SEPTIN10: variants seen among roughly 807,000 people sequenced by gnomAD.
SEPTIN10 encodes septin-10.
Under a neutral mutation model 54.8 loss-of-function variants are expected in SEPTIN10, and 66 were observed. That is an observed-to-expected ratio of 1.21 (90% CI 0.99 to 1.48). The LOEUF (loss-of-function observed/expected upper bound fraction) is 1.48. Among genes scored for constraint, SEPTIN10 ranks in the 40% most tolerant of loss-of-function variants. SEPTIN10 has a pLI of 0.00. For missense variants in SEPTIN10, 620 were observed against 545.6 expected, an observed-to-expected ratio of 1.14 and a Z score of -1.36; for synonymous variants, 161 against 181.0, an observed-to-expected ratio of 0.89 and a Z score of 0.89.
chr2:109,568,174 G>C (rs1013398666), intron 5 of SEPTIN10, among the ~76,000 whole-genome samples, 198 bp from the exon 6 acceptor site: 1 of 152,010 alleles, frequency 6.6e-6, no homozygotes, highest in African/African-American at 2.4e-5. Context: ...CCATTTGCTT[G>C]TGTACTGTCT....
intron 2 of SEPTIN10, among the ~76,000 whole-genome samples, chr2:109,590,043 T>C (rs7590865): frequency 2.2e-5 from 3 of 134,842 alleles, no homozygotes; most frequent in South Asian, 2.4e-4. Flanking sequence ...TATACACACA[T>C]ATATATGTGT....
chr2:109,564,264 G>C, intron 8 of SEPTIN10, 102 bp downstream of exon 8: 1 of 1,066,782 alleles, frequency 9.4e-7, no homozygotes, highest in Non-Finnish European at 1.3e-6. Context: ...TCATGGTTTT[G>C]GGAGATTCTA....
intron 1 of SEPTIN10, among the ~76,000 whole-genome samples, chr2:109,610,114 G>A (rs966579806): frequency 6.8e-6 from 1 of 147,934 alleles, no homozygotes; most frequent in African/African-American, 2.6e-5. Flanking sequence ...TTTTTAGACA[G>A]AGTCTCACTC....
intron 4 of SEPTIN10, among the ~76,000 whole-genome samples, chr2:109,580,632 A>G (rs535246757): frequency 4.6e-5 from 7 of 152,344 alleles, no homozygotes; most frequent in Non-Finnish European, 7.4e-5. Context: ...CAATGAAAGA[A>G]AGAAAAATAA....
chr2:109,586,078 T>C (rs1458539507), intron 2 of SEPTIN10, among the ~76,000 whole-genome samples: 1 of 152,182 alleles, frequency 6.6e-6, no homozygotes, highest in Non-Finnish European at 1.5e-5. Context: ...ATGTATAACA[T>C]TAAAACATTC....
intron 4 of SEPTIN10, among the ~76,000 whole-genome samples, chr2:109,583,275 T>C (rs1018620310): frequency 2.0e-5 from 3 of 152,064 alleles, no homozygotes; most frequent in Non-Finnish European, 4.4e-5. Flanking sequence ...CATCCAACAA[T>C]AGTCTAGCAG....
rs530691377 is a variant in SEPTIN10 at position 109,613,139 on chromosome 2, C to T, written c.30+659G>A. The T allele has an allele frequency of 2.1e-5, 27 of 1,284,258 alleles. No individual in the cohort carries two copies. The Admixed American group carries it at 5.7e-4, about 27-fold the overall frequency. The allele number at this position is 1,284,258 out of a possible 1,614,324, so 79.6% of individuals were successfully genotyped here. A position where few individuals can be genotyped will look rare whatever the true frequency, so the allele number is the denominator to read the frequency against. On this transcript the variant is annotated intron_variant, in intron 1 of 10. Transcript: ENST00000397712. ...TGTAGCCTTTGGAAAACTCGATGTA[C>T]ACGACCTTGGTACTATTAACGAAAA...
At chr2:109,612,193 A>G (rs1207206131) in intron 1 of SEPTIN10, among the ~76,000 whole-genome samples, 1 of 152,240 alleles carries the variant, frequency 6.6e-6, no homozygotes, top group Non-Finnish European at 1.5e-5. Context: ...GTTGAAAAAA[A>G]AAAAATCCAA....
Position 109,564,430 on chromosome 2 carries a change from A to T in SEPTIN10, c.964T>A (p.Tyr322Asn). 1 of 1,598,958 alleles carries T rather than the reference A, an allele frequency of 6.3e-7. No homozygotes were observed. ...ATTTCCTCCAGTTTGCAGCGCCTGT[A>T]AAGCTCATAGTGCCTGGTATGGGTC... is the stretch of plus-strand genomic sequence containing the variant. ...EQTHTRHYEL[Y>N]RRCKLEEMGF... The change falls in exon 8 of 11, where the codon TAC becomes AAC. Residue 322 changes from tyrosine (Y) to asparagine (N), a missense_variant. Physicochemically the swap from Tyr to Asn is moderately radical, Grantham distance 143. Transcript: ENST00000397712.
intron 1 of SEPTIN10, among the ~76,000 whole-genome samples, chr2:109,608,953 C>A (rs1351967368): frequency 1.3e-5 from 2 of 152,152 alleles, no homozygotes; most frequent in African/African-American, 2.4e-5. Flanking sequence ...AAGCAAGGGT[C>A]CTGTATGTAT....
rs138122825 is a variant in SEPTIN10 at position 109,611,762 on chromosome 2, C to G, written c.30+2036G>C. On this transcript the variant is annotated intron_variant, in intron 1 of 10. Transcript: ENST00000397712. The stretch of plus-strand genomic sequence containing the variant: ...AGCCTGGGTGACAATACGAGAAATC[C>G]AAGTTAAAATCACCATGAGGTGTCA... Among the ~76,000 whole-genome samples the G allele has an allele frequency of 3.9e-5, 6 of 152,158 alleles. No homozygotes were observed. In the South Asian group the frequency reaches 6.2e-4, roughly 16 times the overall value.
intron 2 of SEPTIN10, among the ~76,000 whole-genome samples, chr2:109,588,843 T>C (rs1558841155): frequency 8.9e-6 from 1 of 112,672 alleles, no homozygotes; most frequent in Admixed American, 1.1e-4. Context: ...CCTAGGTCAA[T>C]TACTATTAAA....
chr2:109,612,793 A>G (rs983548000), intron 1 of SEPTIN10, among the ~76,000 whole-genome samples: 1 of 152,246 alleles, frequency 6.6e-6, no homozygotes, highest in Admixed American at 6.5e-5. Flanking sequence ...AAAATACGCG[A>G]TAGAATGAAA....
At chr2:109,583,442 C>T (rs551702994) in intron 4 of SEPTIN10, among the ~76,000 whole-genome samples, 2 of 152,110 alleles carry the variant, frequency 1.3e-5, no homozygotes, top group Non-Finnish European at 2.9e-5. Flanking sequence ...AATGAGATAC[C>T]ATCTCACAAC....
At chr2:109,589,329 T>G (rs565444991) in intron 2 of SEPTIN10, among the ~76,000 whole-genome samples, 2 of 152,034 alleles carry the variant, frequency 1.3e-5, no homozygotes, top group East Asian at 3.9e-4. Flanking sequence ...GGCCAGGAGT[T>G]TGAAACCAAC....
At chr2:109,550,297 C>CA (rs1317740438) in intron 9 of SEPTIN10, among the ~76,000 whole-genome samples, 77 of 148,674 alleles carry the variant, frequency 5.2e-4, no homozygotes, top group African/African-American at 4.9e-4. Flanking sequence ...TCTCAAAAAA[C>CA]AAAAAAAAAG....
intron 9 of SEPTIN10, among the ~76,000 whole-genome samples, chr2:109,548,278 A>C (rs1681851418): frequency 6.6e-6 from 1 of 152,198 alleles, no homozygotes; most frequent in African/African-American, 2.4e-5. Flanking sequence ...CTACATTTTA[A>C]AAGATAACCT....
chr2:109,596,379 A>G (rs1267341097), intron 1 of SEPTIN10, among the ~76,000 whole-genome samples: 1 of 152,218 alleles, frequency 6.6e-6, no homozygotes, highest in East Asian at 1.9e-4. Flanking sequence ...GCAGTTTGGG[A>G]GGCCGAGGTG....
At chr2:109,590,916 T>C (rs1302305969) in intron 2 of SEPTIN10, among the ~76,000 whole-genome samples, 2 of 152,036 alleles carry the variant, frequency 1.3e-5, no homozygotes, top group Non-Finnish European at 2.9e-5. Flanking sequence ...AAGGAAAGCC[T>C]CCAGATAAGA....
Sources: allele counts gnomAD v4.1 joint callset (sites outside exome capture counted in the v4.1 genomes callset), GRCh38; gene constraint gnomAD v4.1.1; transcripts MANE v1.5; gene names NCBI Gene and HGNC (gene_info 2026-07-23, HGNC 2026-07-21).